SRD5A2: variants seen among roughly 807,000 people sequenced by gnomAD.
The protein encoded by SRD5A2 is steroid 5 alpha-reductase 2.
In SRD5A2, 30 loss-of-function variants were observed where a neutral mutation model predicts 27.4. That is an observed-to-expected ratio of 1.10 (90% CI 0.82 to 1.49). SRD5A2 has a LOEUF of 1.49. Ranked by LOEUF, SRD5A2 falls within the 40% of genes most tolerant of loss-of-function variation. The probability of loss-of-function intolerance (pLI) is 0.00; values close to 1 mark genes in which losing one functional copy is unlikely to be tolerated. For synonymous variants in SRD5A2, 141 were observed against 133.6 expected (o/e 1.06, Z -0.38); for missense variants, 348 against 323.4 (o/e 1.08, Z -0.58).
the SRD5A2 span, among the ~76,000 whole-genome samples, chr2:31,613,114 C>T: frequency 6.6e-6 from 1 of 152,106 alleles, no homozygotes; most frequent in Non-Finnish European, 1.5e-5. Context: ...TGGTTAATGA[C>T]TTCTTGGATA....
the SRD5A2 span, among the ~76,000 whole-genome samples, chr2:31,614,263 C>A: frequency 6.6e-6 from 1 of 152,322 alleles, no homozygotes; most frequent in South Asian, 2.1e-4. Flanking sequence ...TACACTCATT[C>A]CAAATGGGAG....
chr2:31,544,801 CA>C (rs1666209902), intron 1 of SRD5A2, among the ~76,000 whole-genome samples: 1 of 151,748 alleles, frequency 6.6e-6, no homozygotes, highest in South Asian at 2.1e-4. Context: ...GACAATTCTA[CA>C]CTTAGATTGA....
Position 31,528,834 on chromosome 2 carries a change from C to T in SRD5A2, c.698+473G>A, listed in dbSNP as rs540974176. The stretch of plus-strand genomic sequence containing the variant: ...GCTTTGGAAAGTGCTGGCCATGGTC[C>T]CACCTCTGGAGCACACTTCCAGAAA... On this transcript the variant is annotated intron_variant, in intron 4 of 4. Transcript: ENST00000622030. Among the ~76,000 whole-genome samples the T allele has an allele frequency of 2.6e-5, 4 of 152,140 alleles. No individual in the cohort carries two copies. The East Asian group carries it at 7.7e-4, about 29-fold the overall frequency.
At chr2:31,575,860 A>G (rs1666948127) in intron 1 of SRD5A2, among the ~76,000 whole-genome samples, 2 of 152,362 alleles carry the variant, frequency 1.3e-5, no homozygotes, top group Non-Finnish European at 2.9e-5. Context: ...TGAAAAAGAC[A>G]TCAGCCACCA....
the SRD5A2 span, among the ~76,000 whole-genome samples, chr2:31,587,503 G>A: frequency 6.6e-6 from 1 of 152,092 alleles, no homozygotes; most frequent in Non-Finnish European, 1.5e-5. Flanking sequence ...GAACCCGAAT[G>A]CCCATCAATG....
upstream of SRD5A2, among the ~76,000 whole-genome samples, chr2:31,582,863 T>C (rs906309631): frequency 6.6e-6 from 1 of 151,886 alleles, no homozygotes; most frequent in Non-Finnish European, 1.5e-5. Context: ...AAACAATAGA[T>C]TTCATGATAC....
chr2:31,540,902 T>C (rs995215565), intron 1 of SRD5A2, among the ~76,000 whole-genome samples: 1 of 152,202 alleles, frequency 6.6e-6, no homozygotes, highest in African/African-American at 2.4e-5. Flanking sequence ...TGATGATTGC[T>C]GCTTCTGATC....
At chr2:31,646,165 G>GCA in the SRD5A2 span, among the ~76,000 whole-genome samples, 140 of 151,100 alleles carry the variant, frequency 9.3e-4, no homozygotes, top group African/African-American at 3.2e-3. Context: ...GTGTGTGCGT[G>GCA]CACACACACA....
the SRD5A2 span, among the ~76,000 whole-genome samples, chr2:31,656,609 T>C: frequency 1.3e-5 from 2 of 152,136 alleles, no homozygotes; most frequent in Non-Finnish European, 2.9e-5. Flanking sequence ...TTCTGCTATA[T>C]GAGAACACAC....
At chr2:31,572,777 T>TG (rs1666878258) in intron 1 of SRD5A2, among the ~76,000 whole-genome samples, 1 of 152,140 alleles carries the variant, frequency 6.6e-6, no homozygotes, top group South Asian at 2.1e-4. Context: ...AGTCTATACA[T>TG]GAAAAAAGAT....
the SRD5A2 span, among the ~76,000 whole-genome samples, chr2:31,600,453 T>A: frequency 6.6e-6 from 1 of 151,982 alleles, no homozygotes; most frequent in Non-Finnish European, 1.5e-5. Flanking sequence ...ATTCCCATCA[T>A]CATTGTAAAA....
At chr2:31,621,334 G>A in the SRD5A2 span, among the ~76,000 whole-genome samples, 31 of 152,010 alleles carry the variant, frequency 2.0e-4, no homozygotes, top group Admixed American at 4.6e-4. Flanking sequence ...AAATGTTGTC[G>A]TTTCAGTAAG....
chr2:31,548,899 AG>A (rs1387185649), intron 1 of SRD5A2, among the ~76,000 whole-genome samples: 4 of 152,044 alleles, frequency 2.6e-5, no homozygotes, highest in African/African-American at 9.7e-5. Flanking sequence ...GGCTTTATAA[AG>A]GAAGAAAATT....
At chr2:31,609,456 T>A in the SRD5A2 span, among the ~76,000 whole-genome samples, 1 of 152,050 alleles carries the variant, frequency 6.6e-6, no homozygotes, top group Non-Finnish European at 1.5e-5. Context: ...CAAAAGTCAA[T>A]GTATACATCT....
In SRD5A2 at chr2:31,524,872, G is replaced by A. The variant is rs1471254551; in HGVS notation, c.*1324C>T. The A allele has an allele frequency of 4.4e-6, 1 of 226,900 alleles. No homozygotes were observed. The highest frequency in any genetic ancestry group is 2.2e-5 in the African/African-American group (1 of 44,922). The allele number at this position is 226,900 out of a possible 1,614,324, so 14.1% of individuals were successfully genotyped here. On this transcript the variant is annotated 3_prime_UTR_variant, in exon 5 of 5. Coordinates refer to ENST00000622030, the MANE Select transcript of SRD5A2 (RefSeq NM_000348.4). ...GTCCATATCTCAGCACTCATGCTGG[G>A]GTGACCCCTTCACAAGAGTTTGCAA...
At chr2:31,532,639 T>C (rs1263318885) in intron 2 of SRD5A2, among the ~76,000 whole-genome samples, 5 of 102,834 alleles carry the variant, frequency 4.9e-5, no homozygotes, top group Non-Finnish European at 1.0e-4. Context: ...GCAAAGCACT[T>C]TGGTGCTTTT....
chr2:31,553,563 A>G (rs1159946613), intron 1 of SRD5A2, among the ~76,000 whole-genome samples: 5 of 152,326 alleles, frequency 3.3e-5, no homozygotes, highest in African/African-American at 7.2e-5. Flanking sequence ...GGACACATCA[A>G]TAATACCATC....
In SRD5A2 at chr2:31,523,639, C is replaced by T. The variant is rs1665706575; in HGVS notation, c.*2557G>A. 1 of 220,676 alleles carries T rather than the reference C, an allele frequency of 4.5e-6. No homozygotes were observed. Among genetic ancestry groups the T allele is most frequent in the African/African-American group, 2.2e-5 (1 of 44,768 alleles). 13.7% of individuals were successfully genotyped at this position (220,676 alleles called of 1,614,324 possible). ...CAGGAAAACGCCTCTTCCGTGAAAG[C>T]TTCAGCAAGACCAAGATAGAGTATC... On this transcript the variant is annotated 3_prime_UTR_variant, in exon 5 of 5. Transcript: ENST00000622030.
chr2:31,605,720 T>C, the SRD5A2 span, among the ~76,000 whole-genome samples: 2 of 151,616 alleles, frequency 1.3e-5, no homozygotes, highest in African/African-American at 2.4e-5. Flanking sequence ...ATATAACCAC[T>C]ATGGCGAGTA....
Sources: allele counts gnomAD v4.1 joint callset (sites outside exome capture counted in the v4.1 genomes callset), GRCh38; gene constraint gnomAD v4.1.1; transcripts MANE v1.5; gene names NCBI Gene and HGNC (gene_info 2026-07-23, HGNC 2026-07-21).